The following ANO4 variants were observed in gnomAD, a reference collection of about 807,000 sequenced individuals.
ANO4 encodes the protein anoctamin 4, also known as anoctamin-4.
In ANO4, 69 loss-of-function variants were observed where a neutral mutation model predicts 141.9. That is an observed-to-expected ratio of 0.49 (90% CI 0.40 to 0.59). The LOEUF (loss-of-function observed/expected upper bound fraction) is 0.59. Ranked by LOEUF, ANO4 falls within the 20% of genes least tolerant of loss-of-function variation. The pLI is 0.00. For missense variants in ANO4, 894 were observed against 1,162.2 expected, an observed-to-expected ratio of 0.77 and a Z score of 3.36; for synonymous variants, 350 against 394.3, an observed-to-expected ratio of 0.89 and a Z score of 1.33.
exon 3 of ANO4, chr12:100,739,936 A>G: frequency 2.8e-6 from 2 of 702,642 alleles, no homozygotes; most frequent in South Asian, 3.0e-5. Flanking sequence ...CCCTCCCATC[A>G]GATCTGCCTC....
intron 5 of ANO4, among the ~76,000 whole-genome samples, chr12:100,965,495 A>G (rs772329325): frequency 1.2e-4 from 19 of 152,270 alleles, no homozygotes; most frequent in Middle Eastern, 3.4e-3. Flanking sequence ...GTAACTCATT[A>G]GTGGCTTCCT....
intron 3 of ANO4, among the ~76,000 whole-genome samples, chr12:100,764,411 A>G (rs569642301): frequency 8.5e-5 from 13 of 152,338 alleles, no homozygotes; most frequent in African/African-American, 3.1e-4. Context: ...AGAAAACTCA[A>G]GATTTTGCTA....
rs2040578752 is a variant in ANO4 at position 100,901,241 on chromosome 12, AT to A, written c.-140-404del. ...ATTTCCAAATAAAATAGTTCTCAAG[AT>A]GCATATAATTCTAAGGTTATCAAGA... On this transcript the variant is annotated intron_variant, in intron 1 of 27. Transcript: ENST00000392977. 3.9e-5 allele frequency among the ~76,000 whole-genome samples: 6 copies of A among 152,310 alleles called. No homozygotes were observed. The South Asian group carries it at 1.2e-3, about 32-fold the overall frequency.
chr12:100,927,222 A>G (rs895659610), intron 3 of ANO4, among the ~76,000 whole-genome samples: 2 of 152,150 alleles, frequency 1.3e-5, no homozygotes, highest in African/African-American at 2.4e-5. Flanking sequence ...TACATGAGGC[A>G]GGAAAGTGGG....
chr12:100,796,423 G>T (rs1441312267), intron 1 of ANO4, among the ~76,000 whole-genome samples: 1 of 152,078 alleles, frequency 6.6e-6, no homozygotes, highest in Non-Finnish European at 1.5e-5. Context: ...TGAAATAGTG[G>T]TGATGACATC....
chr12:101,032,184 C>T (rs1227833990), intron 9 of ANO4, among the ~76,000 whole-genome samples: 1 of 152,176 alleles, frequency 6.6e-6, no homozygotes, highest in Non-Finnish European at 1.5e-5. Flanking sequence ...TCAAACTATA[C>T]TACAAGGCTG....
In ANO4 at chr12:100,939,368, T is replaced by C. The variant is rs1416217818; in HGVS notation, c.214T>C (p.Cys72Arg). 10 of 1,613,738 alleles carry C rather than the reference T, an allele frequency of 6.2e-6. No individual in the cohort carries two copies. The highest frequency in any genetic ancestry group is 8.5e-6 in the Non-Finnish European group (10 of 1,179,702). The change falls in exon 4 of 28, where the codon TGC becomes CGC. Residue 72 changes from cysteine to arginine, a missense_variant. Cys to Arg is a radical substitution (Grantham distance 180). Around this residue, in one of 2 missense-constraint regions of ANO4, gnomAD observed 257 missense variants for 253.0 expected, o/e 1.02. Coordinates refer to ENST00000392977, the MANE Select transcript of ANO4 (RefSeq NM_001286615.2). Reference sequence around the variant, plus strand: ...TGAATTAGAAGCTGTCAGCAGTCCTTGCAAAGATGACGATTCTCTTCTTCA... The same window carrying C: ...TGAATTAGAAGCTGTCAGCAGTCCTCGCAAAGATGACGATTCTCTTCTTCA... ...FDELEAVSSPCKDDDSLLHPG... is the reference protein window; with the variant it reads ...FDELEAVSSPRKDDDSLLHPG...
chr12:101,000,333 G>A (rs1330575510), intron 8 of ANO4, among the ~76,000 whole-genome samples: 1 of 152,192 alleles, frequency 6.6e-6, no homozygotes, highest in African/African-American at 2.4e-5. Context: ...TTATGTGTCA[G>A]TAACATATGA....
chr12:100,758,402 T>A (rs2032707903), intron 3 of ANO4, among the ~76,000 whole-genome samples: 1 of 152,176 alleles, frequency 6.6e-6, no homozygotes. Flanking sequence ...AGTGAGGCAG[T>A]CTGGAGCCAG....
intron 2 of ANO4, among the ~76,000 whole-genome samples, chr12:100,913,927 A>T (rs748048104): frequency 5.9e-5 from 9 of 152,212 alleles, no homozygotes; most frequent in Non-Finnish European, 1.2e-4. Context: ...CTTATTCAAG[A>T]CAAAAGGGTA....
At chr12:101,071,705 G>T (rs2048818530) in intron 14 of ANO4, among the ~76,000 whole-genome samples, 1 of 152,120 alleles carries the variant, frequency 6.6e-6, no homozygotes, top group Non-Finnish European at 1.5e-5. Flanking sequence ...TAACTGGATT[G>T]TTTGTAACAC....
chr12:100,940,875 G>A (rs1261766535), intron 4 of ANO4, among the ~76,000 whole-genome samples: 1 of 152,144 alleles, frequency 6.6e-6, no homozygotes, highest in African/African-American at 2.4e-5. Context: ...CAAGCCCGAA[G>A]AGCCTGGATG....
intron 14 of ANO4, among the ~76,000 whole-genome samples, chr12:101,052,589 T>C (rs2047919992): frequency 1.3e-5 from 2 of 152,124 alleles, no homozygotes; most frequent in African/African-American, 2.4e-5. Context: ...TTAATCAAAA[T>C]GACAAGATGG....
chr12:100,941,076 T>G (rs990766360), intron 4 of ANO4, among the ~76,000 whole-genome samples: 15 of 152,310 alleles, frequency 9.8e-5, no homozygotes, highest in Non-Finnish European at 1.8e-4. Flanking sequence ...CCAGTTTTTT[T>G]TTAATGGAAT....
At chr12:100,830,219 C>G (rs1447162319) in intron 1 of ANO4, among the ~76,000 whole-genome samples, 1 of 151,996 alleles carries the variant, frequency 6.6e-6, no homozygotes, top group African/African-American at 2.4e-5. Flanking sequence ...AAACCACATT[C>G]CTGAAGCAAC....
At chr12:100,890,929 T>C (rs1296787091) in intron 1 of ANO4, among the ~76,000 whole-genome samples, 1 of 152,214 alleles carries the variant, frequency 6.6e-6, no homozygotes, top group Admixed American at 6.6e-5. Flanking sequence ...TAAAAATCCC[T>C]TGTGCTCTGC....
chr12:101,104,752 G>GT, intron 22 of ANO4, among the ~76,000 whole-genome samples: 1 of 148,730 alleles, frequency 6.7e-6, no homozygotes, highest in South Asian at 2.1e-4. Flanking sequence ...TAGTTGTTTG[G>GT]TATAATGGTC....
At chr12:100,890,567 A>G (rs2135988205) in intron 1 of ANO4, among the ~76,000 whole-genome samples, 1 of 152,344 alleles carries the variant, frequency 6.6e-6, no homozygotes, top group South Asian at 2.1e-4. Context: ...ATGGTGAGAT[A>G]GCCATGTCTG....
At chr12:100,892,597 A>G (rs1292900273) in intron 1 of ANO4, among the ~76,000 whole-genome samples, 1 of 152,214 alleles carries the variant, frequency 6.6e-6, no homozygotes, top group Admixed American at 6.5e-5. Context: ...CCTTCCCCAG[A>G]TACCAAAATG....
Sources: gnomAD v4.1 joint callset for allele counts (sites outside exome capture counted in the v4.1 genomes callset) on GRCh38, gnomAD v4.1.1 for gene constraint, gnomAD v4.1.1 regional missense constraint, MANE v1.5 for transcripts, NCBI Gene and HGNC (gene_info 2026-07-23, HGNC 2026-07-21) for gene names.